Variants in SLC18B1 observed in about 807,000 individuals in gnomAD.
SLC18B1 encodes the protein MFS-type transporter SLC18B1.
A neutral mutation model predicts 53.9 loss-of-function variants in SLC18B1; 62 were observed. The ratio of observed to expected loss-of-function variants is 1.15; its 90% CI spans 0.94 to 1.42. The LOEUF (loss-of-function observed/expected upper bound fraction) is 1.42, where lower values mean the gene tolerates loss of function less well. SLC18B1 is among the 40% of genes most tolerant of loss of function. SLC18B1 has a pLI of 0.00. For missense variants in SLC18B1, 598 were observed against 547.3 expected, an observed-to-expected ratio of 1.09 and a Z score of -0.93; for synonymous variants, 217 against 200.9, an observed-to-expected ratio of 1.08 and a Z score of -0.68.
chr6:132,776,513 G>A (rs1582856877), intron 7 of SLC18B1, 84 bp from the exon 8 acceptor site: 9 of 928,500 alleles, frequency 9.7e-6, no homozygotes, highest in African/African-American at 2.1e-5. Context: ...CATTTCTTTA[G>A]CTCTTATTAC....
chr6:132,798,586 T>C lies in SLC18B1; in HGVS notation c.-130A>G. 1.0e-6 allele frequency: 1 copy of C among 963,954 alleles called. No homozygotes were observed. Among genetic ancestry groups the C allele is most frequent in the Non-Finnish European group, 1.4e-6 (1 of 713,834 alleles). 59.7% of individuals were successfully genotyped at this position (963,954 alleles called of 1,614,324 possible). On this transcript the variant is annotated 5_prime_UTR_variant, in exon 1 of 14. Coordinates refer to ENST00000275227, the MANE Select transcript of SLC18B1 (RefSeq NM_052831.3). ...CTGGAACCTGGCATCCCCGACTCCC[T>C]GCAGGCAGCGATCCGCCCGGCCCGG...
chr6:132,792,291 G>GAAGGAAA (rs1562271470), intron 2 of SLC18B1, among the ~76,000 whole-genome samples: 3 of 67,046 alleles, frequency 4.5e-5, no homozygotes, highest in African/African-American at 2.9e-4. Context: ...AAGGAAGAAA[G>GAAGGAAA]GAAGGAAGGA....
chr6:132,772,999 C>A lies in SLC18B1; in HGVS notation c.1079G>T (p.Cys360Phe), dbSNP rs140430563. The A allele has an allele frequency of 1.2e-6, 2 of 1,612,392 alleles. No homozygotes were observed. The highest frequency in any genetic ancestry group is 2.7e-5 in the African/African-American group (2 of 74,878). ...IIPTFPEILSCAHENGFEEGL... is the reference protein window; with the variant it reads ...IIPTFPEILSFAHENGFEEGL... Reference sequence around the variant, plus strand: ...AGCAATGGAAGTAACTTACTGTGCACAACTGAGAATTTCCGGGAAAGTTGG... The same window carrying A: ...AGCAATGGAAGTAACTTACTGTGCAAAACTGAGAATTTCCGGGAAAGTTGG... The change falls in exon 10 of 14, where the codon TGT (cysteine) becomes TTT (phenylalanine). Residue 360 changes from cysteine to phenylalanine, a missense_variant. By Grantham distance (205) the Cys-to-Phe change is radical (BLOSUM62 -2). Transcript: ENST00000275227.
At chr6:132,795,009 A>G (rs1781635504) in intron 2 of SLC18B1, among the ~76,000 whole-genome samples, 1 of 152,118 alleles carries the variant, frequency 6.6e-6, no homozygotes, top group South Asian at 2.1e-4. Context: ...TGTCTCAAAA[A>G]AAAAGCCCCA....
In SLC18B1 at chr6:132,769,460, C is replaced by T. The variant is rs560711019; in HGVS notation, c.*810G>A. Reference sequence around the variant, plus strand: ...CCTTCCCTAACAAAACAAGCATTCGCATTAGGGGAAGGAGGCTGACCTGCT... The same window carrying T: ...CCTTCCCTAACAAAACAAGCATTCGTATTAGGGGAAGGAGGCTGACCTGCT... On this transcript the variant is annotated 3_prime_UTR_variant, in exon 14 of 14. Coordinates refer to ENST00000275227, the MANE Select transcript of SLC18B1 (RefSeq NM_052831.3). The T allele has an allele frequency of 3.9e-5, 6 of 152,220 alleles. No individual in the cohort carries two copies. The highest frequency in any genetic ancestry group is 3.9e-4 in the East Asian group (2 of 5,184). The allele number at this position is 152,220 out of a possible 1,614,324, so 9.4% of individuals were successfully genotyped here.
At chr6:132,775,168 T>G (rs1291560526) in intron 8 of SLC18B1, among the ~76,000 whole-genome samples, 1 of 152,168 alleles carries the variant, frequency 6.6e-6, no homozygotes, top group Non-Finnish European at 1.5e-5. Context: ...CCTTGCCCAT[T>G]CCATCATGGT....
chr6:132,792,761 A>C (rs1185106407), intron 2 of SLC18B1, among the ~76,000 whole-genome samples: 2 of 152,208 alleles, frequency 1.3e-5, no homozygotes, highest in African/African-American at 2.4e-5. Context: ...CTACAGCAGC[A>C]GCCGAATGTC....
intron 7 of SLC18B1, 31 bp from the exon 8 acceptor site, chr6:132,776,460 T>C (rs1220231656): frequency 1.3e-6 from 2 of 1,532,130 alleles, no homozygotes; most frequent in East Asian, 2.3e-5. Context: ...TAAAGTTACA[T>C]AATTAAGTCA....
In SLC18B1 at chr6:132,798,399, G is replaced by A; in HGVS notation, c.43+15C>T. The A allele has an allele frequency of 2.0e-6, 3 of 1,519,962 alleles. No individual in the cohort carries two copies. The highest frequency in any genetic ancestry group is 1.8e-6 in the Non-Finnish European group (2 of 1,131,216). The allele number at this position is 1,519,962 out of a possible 1,614,324, so 94.2% of individuals were successfully genotyped here. ...CGCTGGTCTCCGGGCTCCCGGCCACGCAATTCATGGTCACCTCCTGGTGCG... is the reference window on the plus strand; with the variant it reads ...CGCTGGTCTCCGGGCTCCCGGCCACACAATTCATGGTCACCTCCTGGTGCG... On this transcript the variant is annotated intron_variant, in intron 1 of 13. Transcript: ENST00000275227.
At chr6:132,788,695 C>A (rs1344671998) in intron 4 of SLC18B1, among the ~76,000 whole-genome samples, 3 of 151,686 alleles carry the variant, frequency 2.0e-5, no homozygotes, top group Non-Finnish European at 4.4e-5. Flanking sequence ...TGGTGGTGAG[C>A]CCCTGTAATG....
chr6:132,781,480 C>A (rs1030551248), intron 6 of SLC18B1, among the ~76,000 whole-genome samples: 2 of 152,084 alleles, frequency 1.3e-5, no homozygotes, highest in Admixed American at 1.3e-4. Flanking sequence ...AGAAAAGGGC[C>A]GGGCACGGTG....
intron 9 of SLC18B1, 88 bp downstream of exon 9, chr6:132,774,134 T>TA: frequency 1.3e-6 from 1 of 780,742 alleles, no homozygotes; most frequent in Non-Finnish European, 2.0e-6. Flanking sequence ...ATGTTCAAAA[T>TA]ACTAAACTAT....
In SLC18B1 at chr6:132,772,905, C is replaced by T. The variant is rs1232706637; in HGVS notation, c.1085+88G>A. ...TTAACATTGGGGCAAAAATATCCAA[C>T]ATGCTGCAAAATTGAGAAATTCAAG... On this transcript the variant is annotated intron_variant, in intron 10 of 13. Coordinates refer to ENST00000275227, the MANE Select transcript of SLC18B1 (RefSeq NM_052831.3). The T allele has an allele frequency of 1.1e-5, 10 of 911,006 alleles. 1 individual carries two copies. Among genetic ancestry groups the T allele is most frequent in the African/African-American group, 1.7e-5 (1 of 60,326 alleles). The allele number at this position is 911,006 out of a possible 1,614,324, so 56.4% of individuals were successfully genotyped here.
rs183109763 is a variant in SLC18B1, at chr6:132,770,240, C to A, written c.*30G>T. On this transcript the variant is annotated 3_prime_UTR_variant, in exon 14 of 14. Transcript: ENST00000275227. Reference sequence around the variant, plus strand: ...TTTAAGGCCAGGAGCATTCATTTCTCAACCTTGTATCAATCCAGGATCCAT... The same window carrying A: ...TTTAAGGCCAGGAGCATTCATTTCTAAACCTTGTATCAATCCAGGATCCAT... 2.5e-5 allele frequency: 39 copies of A among 1,588,478 alleles called. No individual in the cohort carries two copies. The Admixed American group carries it at 4.4e-4, about 18-fold the overall frequency.
At chr6:132,785,380 G>A (rs761961237) in intron 5 of SLC18B1, among the ~76,000 whole-genome samples, 4 of 151,882 alleles carry the variant, frequency 2.6e-5, no homozygotes, top group Non-Finnish European at 4.4e-5. Context: ...ACAATGCTAT[G>A]GAAAAAAAGG....
At position 132,797,026 on chromosome 6, in the gene SLC18B1, A is replaced by T. The variant is rs149322166; in HGVS notation, c.139T>A (p.Ser47Thr). 6.2e-7 allele frequency: 1 copy of T among 1,614,206 alleles called. No homozygotes were observed. Among genetic ancestry groups the T allele is most frequent in the African/African-American group, 1.3e-5 (1 of 75,046 alleles). Residue 47 changes from serine to threonine, a missense_variant, in exon 2 of 14, where the codon TCC becomes ACC. Ser to Thr is a moderately conservative substitution (Grantham distance 58, BLOSUM62 1). Coordinates refer to ENST00000275227, the MANE Select transcript of SLC18B1 (RefSeq NM_052831.3). ...CCAAGTATAGAATAGCACATCATGG[A>T]ACCTAAGTTCACCGAAGCTGCCGAT... ...LISAASVNLG[S>T]MMCYSILGPF...
chr6:132,772,171 C>G lies in SLC18B1; in HGVS notation c.1121G>C (p.Gly374Ala). The G allele has an allele frequency of 6.3e-7, 1 of 1,581,484 alleles. No individual in the cohort carries two copies. Residue 374 changes from glycine to alanine, a missense_variant, in exon 11 of 14, where the codon GGA becomes GCA. Coordinates refer to ENST00000275227, the MANE Select transcript of SLC18B1 (RefSeq NM_052831.3). ...TGCACTAAAAAGACCTGATACAAGTCCCAATGTACTTAATCCCTCTTCAAA... is the reference window on the plus strand; with the variant it reads ...TGCACTAAAAAGACCTGATACAAGTGCCAATGTACTTAATCCCTCTTCAAA... ...NGFEEGLSTLGLVSGLFSAMW... is the reference protein window; with the variant it reads ...NGFEEGLSTLALVSGLFSAMW...
Position 132,772,338 on chromosome 6 carries a change from C to G in SLC18B1, c.1086-132G>C, listed in dbSNP as rs1780998356. 3 of 498,390 alleles carry G rather than the reference C, an allele frequency of 6.0e-6. No individual in the cohort carries two copies. The East Asian group carries it at 1.0e-4, about 17-fold the overall frequency. 30.9% of individuals were successfully genotyped at this position (498,390 alleles called of 1,614,324 possible). On this transcript the variant is annotated intron_variant, in intron 10 of 13. Coordinates refer to ENST00000275227, the MANE Select transcript of SLC18B1 (RefSeq NM_052831.3). The stretch of plus-strand genomic sequence containing the variant: ...AACCAACAGCAAGAATACTCTGCTT[C>G]TAAGATAAAAAGCAAATCTTATTTA...
intron 10 of SLC18B1, among the ~76,000 whole-genome samples, chr6:132,772,541 G>A (rs1781003229): frequency 6.6e-6 from 1 of 152,130 alleles, no homozygotes; most frequent in South Asian, 2.1e-4. Context: ...TTAAAAAACA[G>A]AGATAGTTCC....
Sources: allele counts gnomAD v4.1 joint callset (sites outside exome capture counted in the v4.1 genomes callset), GRCh38; gene constraint gnomAD v4.1.1; transcripts MANE v1.5; gene names NCBI Gene and HGNC (gene_info 2026-07-23, HGNC 2026-07-21).